UVRAG: variants seen among roughly 807,000 people sequenced by gnomAD.
UVRAG encodes the protein UV radiation resistance associated, also known as UV radiation resistance-associated gene protein.
In UVRAG, 19 loss-of-function variants were observed where a neutral mutation model predicts 78.0. The ratio of observed to expected loss-of-function variants is 0.24; its 90% CI spans 0.17 to 0.36. The LOEUF is 0.36. Among genes scored for constraint, UVRAG ranks in the 10% least tolerant of loss-of-function variants. UVRAG has a pLI of 1.00. For missense variants in UVRAG, 740 were observed against 853.8 expected (o/e 0.87, Z 1.66); for synonymous variants, 323 against 324.6 (o/e 1.00, Z 0.05).
At chr11:75,892,497 C>T in intron 5 of UVRAG, 1 of 783,636 alleles carries the variant, frequency 1.3e-6, no homozygotes, top group South Asian at 5.8e-5. Flanking sequence ...TTAAACCTCA[C>T]ACTTGGCCTT....
intron 14 of UVRAG, among the ~76,000 whole-genome samples, chr11:76,139,166 G>A (rs955670015): frequency 3.3e-5 from 5 of 152,104 alleles, no homozygotes; most frequent in African/African-American, 9.7e-5. Context: ...ATTAGAAGCC[G>A]TGTGGTTGCC....
intron 6 of UVRAG, 48 bp from the exon 7 acceptor site, chr11:75,961,396 G>T (rs1465423792): frequency 6.9e-7 from 1 of 1,447,376 alleles, no homozygotes; most frequent in Admixed American, 2.4e-5. Context: ...GCTCTTTGTT[G>T]AGTTTACTGT....
At chr11:75,986,532 A>C (rs528686350) in intron 8 of UVRAG, among the ~76,000 whole-genome samples, 2 of 152,304 alleles carry the variant, frequency 1.3e-5, no homozygotes, top group African/African-American at 4.8e-5. Flanking sequence ...ATTATAATTA[A>C]ATTTCATTAC....
At chr11:75,941,692 T>C (rs1396831373) in intron 6 of UVRAG, among the ~76,000 whole-genome samples, 2 of 152,158 alleles carry the variant, frequency 1.3e-5, no homozygotes, top group African/African-American at 4.8e-5. Flanking sequence ...TATTATTTCC[T>C]TTGGTGCAGA....
At chr11:75,858,709 A>T (rs1360245262) in intron 2 of UVRAG, among the ~76,000 whole-genome samples, 1 of 152,188 alleles carries the variant, frequency 6.6e-6, no homozygotes, top group Non-Finnish European at 1.5e-5. Context: ...GAGTTGTTTT[A>T]TGTGTGAGTG....
intron 1 of UVRAG, among the ~76,000 whole-genome samples, chr11:75,820,469 C>G (rs1282131164): frequency 6.6e-6 from 1 of 152,062 alleles, no homozygotes; most frequent in East Asian, 1.9e-4. Context: ...ATTCTCCTGC[C>G]TCAGCCTCCT....
At chr11:75,920,725 G>T (rs1565380445) in intron 6 of UVRAG, among the ~76,000 whole-genome samples, 2 of 151,944 alleles carry the variant, frequency 1.3e-5, no homozygotes, top group Non-Finnish European at 2.9e-5. Context: ...ATATGTCATA[G>T]ATATGATTTA....
At chr11:75,850,641 T>G (rs1188118104) in intron 1 of UVRAG, among the ~76,000 whole-genome samples, 2 of 152,246 alleles carry the variant, frequency 1.3e-5, no homozygotes, top group Non-Finnish European at 2.9e-5. Context: ...GATTATTGTA[T>G]GCAGATAATT....
intron 5 of UVRAG, among the ~76,000 whole-genome samples, chr11:75,897,509 G>A (rs1947367665): frequency 6.6e-6 from 1 of 152,110 alleles, no homozygotes; most frequent in Non-Finnish European, 1.5e-5. Context: ...CTTAGACATA[G>A]CTATAATTTA....
At chr11:75,918,373 G>A (rs1211541455) in intron 6 of UVRAG, among the ~76,000 whole-genome samples, 8 of 147,084 alleles carry the variant, frequency 5.4e-5, no homozygotes, top group African/African-American at 1.0e-4. Flanking sequence ...GCGAGACTCC[G>A]TCTCAGAAAA....
chr11:75,846,058 G>A (rs1364545760), intron 1 of UVRAG, among the ~76,000 whole-genome samples: 2 of 152,162 alleles, frequency 1.3e-5, no homozygotes, highest in Non-Finnish European at 2.9e-5. Flanking sequence ...TCATAAAAAT[G>A]TTTGGCTTAA....
At chr11:75,819,340 T>A (rs1221360407) in intron 1 of UVRAG, among the ~76,000 whole-genome samples, 1 of 151,528 alleles carries the variant, frequency 6.6e-6, no homozygotes. Flanking sequence ...TTTTTTACAC[T>A]TTTTTTTTGT....
chr11:76,069,010 G>A (rs1377989727), intron 13 of UVRAG, among the ~76,000 whole-genome samples: 1 of 152,196 alleles, frequency 6.6e-6, no homozygotes, highest in Non-Finnish European at 1.5e-5. Flanking sequence ...CAGAGAAAAA[G>A]GAGTGAAGTC....
intron 14 of UVRAG, among the ~76,000 whole-genome samples, chr11:76,119,738 A>G (rs1212109350): frequency 6.6e-6 from 1 of 152,170 alleles, no homozygotes; most frequent in Non-Finnish European, 1.5e-5. Context: ...CTCCAGTCCA[A>G]GCCACCACCT....
chr11:76,025,222 C>G (rs985542833), intron 12 of UVRAG, among the ~76,000 whole-genome samples: 2 of 152,152 alleles, frequency 1.3e-5, no homozygotes, highest in African/African-American at 2.4e-5. Flanking sequence ...AACCAGAGTC[C>G]AGCTGCAGTG....
chr11:76,006,803 A>G (rs1949953343), intron 9 of UVRAG, among the ~76,000 whole-genome samples: 1 of 151,936 alleles, frequency 6.6e-6, no homozygotes, highest in Admixed American at 6.6e-5. Flanking sequence ...TGAGTGAAAT[A>G]TAGAATACTT....
intron 6 of UVRAG, among the ~76,000 whole-genome samples, chr11:75,951,325 A>ATGTGTG (rs71036071): frequency 1.6e-4 from 24 of 149,588 alleles, no homozygotes; most frequent in East Asian, 6.0e-4. Flanking sequence ...ATAATCTGAA[A>ATGTGTG]TGTGTGTGTG....
chr11:75,819,734 C>T (rs907135790), intron 1 of UVRAG, among the ~76,000 whole-genome samples: 3 of 150,870 alleles, frequency 2.0e-5, no homozygotes, highest in African/African-American at 4.9e-5. Flanking sequence ...TTTGGGAGGC[C>T]GAGGCAGGCT....
chr11:75,995,179 G>GT (rs576218071), intron 8 of UVRAG, among the ~76,000 whole-genome samples: 18,305 of 140,586 alleles, frequency 0.13, 2,782 homozygotes, highest in African/African-American at 0.37. Flanking sequence ...TTTTATAAAA[G>GT]TTTTTTTTTT....
Sources: allele counts gnomAD v4.1 joint callset (sites outside exome capture counted in the v4.1 genomes callset), GRCh38; gene constraint gnomAD v4.1.1; transcripts MANE v1.5; gene names NCBI Gene and HGNC (gene_info 2026-07-23, HGNC 2026-07-21).